HTR2C: variants seen among roughly 807,000 people sequenced by gnomAD.
HTR2C encodes the protein 5-hydroxytryptamine receptor 2C.
In HTR2C, 5 loss-of-function variants were observed where a neutral mutation model predicts 21.0. The ratio of observed to expected loss-of-function variants is 0.24; its 90% confidence interval spans 0.12 to 0.50. The LOEUF is 0.50. HTR2C is among the 20% of genes least tolerant of loss of function. The pLI is 0.98. For missense variants in HTR2C, 271 were observed against 371.2 expected (o/e 0.73, Z 2.22); for synonymous variants, 150 against 145.3 (o/e 1.03, Z -0.23).
At chrX:114,791,497 CTCTCT>C (rs1556443581) in intron 4 of HTR2C, among the ~76,000 whole-genome samples, 3 of 111,445 alleles carry the variant, frequency 2.7e-5, no homozygotes. Flanking sequence ...TGAATTCTTC[CTCTCT>C]TCTCAGAAAA....
intron 4 of HTR2C, among the ~76,000 whole-genome samples, chrX:114,836,481 G>T (rs2070785529): frequency 8.9e-6 from 1 of 112,250 alleles, no homozygotes; most frequent in African/African-American, 3.2e-5. Context: ...AGGTGTGTCT[G>T]TCACCCCTTT....
intron 4 of HTR2C, among the ~76,000 whole-genome samples, chrX:114,803,137 G>A (rs1556447505): frequency 1.1e-5 from 1 of 94,782 alleles, no homozygotes; most frequent in African/African-American, 3.8e-5. Flanking sequence ...ATCATTGTTG[G>A]ACATTTGGGT....
intron 4 of HTR2C, among the ~76,000 whole-genome samples, chrX:114,762,200 G>T (rs1311046465): frequency 9.2e-6 from 1 of 109,262 alleles, no homozygotes; most frequent in Non-Finnish European, 1.9e-5. Flanking sequence ...ACCCCCTTTT[G>T]CTAGAGATTT....
In HTR2C at chrX:114,897,369, C is replaced by T. The variant is rs190587933; in HGVS notation, c.551-9220C>T. 5.8e-4 allele frequency among the ~76,000 whole-genome samples: 65 copies of T among 111,739 alleles called. 1 individual carries two copies. Among genetic ancestry groups the T allele is most frequent in the Admixed American group, 5.2e-3 (55 of 10,484 alleles). On this transcript the variant is annotated intron_variant, in intron 5 of 5. Transcript: ENST00000276198. ...AGTTTCCACCTGGTATCATTTTCAA[C>T]AGCCTGAAGAACTTCCTTTAGCAAT...
At chrX:114,859,614 A>AT (rs1392617472) in intron 5 of HTR2C, among the ~76,000 whole-genome samples, 8 of 109,077 alleles carry the variant, frequency 7.3e-5, no homozygotes, top group African/African-American at 2.3e-4. Flanking sequence ...AGAGTTTATA[A>AT]TTTTTTTTTA....
chrX:114,778,882 GC>G (rs782229476), intron 4 of HTR2C, among the ~76,000 whole-genome samples: 316 of 111,475 alleles, frequency 2.8e-3, no homozygotes, highest in Middle Eastern at 0.028. Flanking sequence ...TAAGTTCCTG[GC>G]TAGTAGTCCA....
intron 1 of HTR2C, among the ~76,000 whole-genome samples, chrX:114,597,295 T>C (rs1179214961): frequency 3.6e-5 from 4 of 109,826 alleles, no homozygotes; most frequent in African/African-American, 1.3e-4. Flanking sequence ...AAAACACATG[T>C]TAGAGAATAT....
intron 2 of HTR2C, among the ~76,000 whole-genome samples, chrX:114,678,417 T>C (rs1556413091): frequency 9.0e-6 from 1 of 110,766 alleles, no homozygotes; most frequent in African/African-American, 3.3e-5. Flanking sequence ...TAATTGAAAT[T>C]GGAAAAAAAG....
At chrX:114,806,530 C>A (rs2070444117) in intron 4 of HTR2C, among the ~76,000 whole-genome samples, 1 of 86,807 alleles carries the variant, frequency 1.2e-5, no homozygotes, top group South Asian at 5.9e-4. Flanking sequence ...ATATATACAC[C>A]ATATATATAC....
At chrX:114,735,092 G>A (rs1384465372) in intron 4 of HTR2C, among the ~76,000 whole-genome samples, 1 of 110,720 alleles carries the variant, frequency 9.0e-6, no homozygotes, top group African/African-American at 3.3e-5. Flanking sequence ...ATCACTTGTG[G>A]TCAAGAGTTC....
At chrX:114,834,725 T>C (rs1448585546) in intron 4 of HTR2C, among the ~76,000 whole-genome samples, 2 of 106,267 alleles carry the variant, frequency 1.9e-5, no homozygotes, top group Non-Finnish European at 3.9e-5. Context: ...AATATTGTTA[T>C]GTGTGAATTT....
chrX:114,901,005 G>A, intron 5 of HTR2C, among the ~76,000 whole-genome samples: 1 of 112,281 alleles, frequency 8.9e-6, no homozygotes, highest in Non-Finnish European at 1.9e-5. Context: ...TTTGCTGCTG[G>A]TAGTTTTGAT....
intron 4 of HTR2C, among the ~76,000 whole-genome samples, chrX:114,820,325 GT>G (rs1170698113): frequency 1.2e-4 from 13 of 109,131 alleles, no homozygotes; most frequent in East Asian, 1.1e-3. Context: ...GGGGGTAGGA[GT>G]TTTTTTTAGT....
At chrX:114,599,234 G>A (rs1556393683) in intron 1 of HTR2C, among the ~76,000 whole-genome samples, 1 of 111,871 alleles carries the variant, frequency 8.9e-6, no homozygotes, top group Non-Finnish European at 1.9e-5. Context: ...GTATATGTGT[G>A]TGTGTTATAT....
intron 4 of HTR2C, among the ~76,000 whole-genome samples, chrX:114,817,902 A>G (rs782024710): frequency 4.5e-5 from 5 of 111,855 alleles, no homozygotes; most frequent in Non-Finnish European, 9.4e-5. Context: ...CAAGAAAACT[A>G]CAGACCAAAA....
chrX:114,877,296 C>T (rs782472183), intron 5 of HTR2C, among the ~76,000 whole-genome samples: 1 of 110,851 alleles, frequency 9.0e-6, no homozygotes, highest in African/African-American at 3.3e-5. Flanking sequence ...GCAATGTCTG[C>T]TCTTTCATTT....
At chrX:114,652,843 G>C in intron 2 of HTR2C, 1 of 211,324 alleles carries the variant, frequency 4.7e-6, no homozygotes, top group Admixed American at 4.5e-5. Flanking sequence ...TAAAGAATTG[G>C]AAAAGGTTAG....
chrX:114,786,258 A>T (rs1196530993), intron 4 of HTR2C, among the ~76,000 whole-genome samples: 1 of 111,968 alleles, frequency 8.9e-6, no homozygotes, highest in Non-Finnish European at 1.9e-5. Context: ...CTAAAAAGCA[A>T]TTTAGCATTA....
At chrX:114,897,999 T>C (rs1181558760) in intron 5 of HTR2C, among the ~76,000 whole-genome samples, 2 of 112,623 alleles carry the variant, frequency 1.8e-5, no homozygotes, top group African/African-American at 6.5e-5. Context: ...TCCACAGTGG[T>C]TAAACTAATT....
Sources: gnomAD v4.1 joint callset for allele counts (sites outside exome capture counted in the v4.1 genomes callset) on GRCh38, gnomAD v4.1.1 for gene constraint, MANE v1.5 for transcripts, NCBI Gene and HGNC (gene_info 2026-07-23, HGNC 2026-07-21) for gene names.